SATB2: variants seen among roughly 807,000 people sequenced by gnomAD.
SATB2 encodes the protein DNA-binding protein SATB2.
A neutral mutation model predicts 73.4 loss-of-function variants in SATB2; 1 was observed. The ratio of observed to expected loss-of-function variants is 0.01; its 90% CI spans 0.00 to 0.06. SATB2 has a LOEUF of 0.06. Among genes scored for constraint, SATB2 ranks in the 10% least tolerant of loss-of-function variants. The pLI, the probability that SATB2 is intolerant of heterozygous loss-of-function variation, is 1.00. For missense variants in SATB2, 459 were observed against 945.8 expected, an observed-to-expected ratio of 0.49 and a Z score of 6.75; for synonymous variants, 397 against 367.0, an observed-to-expected ratio of 1.08 and a Z score of -0.93.
At chr2:199,302,386 C>G (rs1327446894) in intron 10 of SATB2, among the ~76,000 whole-genome samples, 1 of 152,086 alleles carries the variant, frequency 6.6e-6, no homozygotes, top group Non-Finnish European at 1.5e-5. Flanking sequence ...ATGTTGAAAA[C>G]CTAGTAATAT....
chr2:199,296,871 A>G lies in SATB2; in HGVS notation c.1740+11889T>C, dbSNP rs1052566740. Among the ~76,000 whole-genome samples the G allele has an allele frequency of 2.6e-5, 4 of 152,178 alleles. No homozygotes were observed. The South Asian group carries it at 6.2e-4, about 24-fold the overall frequency. ...TGGGTCAAAGGTTCATTGAAACTAG[A>G]AATAGAGAGTAATATTTATTCTTTA... On this transcript the variant is annotated intron_variant, in intron 10 of 10. Coordinates refer to ENST00000417098, the MANE Select transcript of SATB2 (RefSeq NM_001172509.2).
At chr2:199,294,784 C>A (rs1352041941) in intron 10 of SATB2, among the ~76,000 whole-genome samples, 1 of 152,190 alleles carries the variant, frequency 6.6e-6, no homozygotes, top group Non-Finnish European at 1.5e-5. Context: ...CTCACTTTAG[C>A]ACCTTCTGCT....
intron 7 of SATB2, chr2:199,347,535 T>G (rs934168909): frequency 2.0e-5 from 3 of 152,216 alleles, no homozygotes; most frequent in Non-Finnish European, 4.4e-5. Context: ...GAGTGTTGTT[T>G]ACATATGTGC....
intron 10 of SATB2, among the ~76,000 whole-genome samples, chr2:199,289,635 GATTTA>G (rs1423016620): frequency 1.3e-5 from 2 of 152,228 alleles, no homozygotes; most frequent in African/African-American, 2.4e-5. Flanking sequence ...CTTCGGGGTG[GATTTA>G]ATTTAATAGC....
At chr2:199,366,902 G>GCACA (rs71015897) in intron 6 of SATB2, among the ~76,000 whole-genome samples, 91,869 of 149,660 alleles carry the variant, frequency 0.61, 30,582 homozygotes, top group Non-Finnish European at 0.75. Context: ...ATGTGCGAAT[G>GCACA]CACACACACA....
At chr2:199,432,217 T>A (rs1207274617) in intron 3 of SATB2, among the ~76,000 whole-genome samples, 2 of 152,234 alleles carry the variant, frequency 1.3e-5, no homozygotes, top group African/African-American at 4.8e-5. Context: ...CTAATTTCAA[T>A]TAGGTTGCTT....
intron 10 of SATB2, among the ~76,000 whole-genome samples, chr2:199,277,562 C>A (rs1692355065): frequency 6.6e-6 from 1 of 152,108 alleles, no homozygotes; most frequent in African/African-American, 2.4e-5. Context: ...TAAGGTTAAT[C>A]TAGACAACAA....
intron 2 of SATB2, among the ~76,000 whole-genome samples, chr2:199,447,153 A>G (rs1267568600): frequency 6.6e-6 from 1 of 152,176 alleles, no homozygotes; most frequent in African/African-American, 2.4e-5. Flanking sequence ...TTAATAGAGT[A>G]ACAAATACAG....
chr2:199,460,853 T>C (rs1484645610), upstream of SATB2, among the ~76,000 whole-genome samples: 1 of 152,260 alleles, frequency 6.6e-6, no homozygotes, highest in Non-Finnish European at 1.5e-5. The surrounding 1 kb of genome is among the most constrained non-coding windows in gnomAD (Gnocchi z 4.0). Flanking sequence ...TTCTAAATTA[T>C]TAAACCCCTG....
chr2:199,297,915 TA>T (rs1243364500), intron 10 of SATB2, among the ~76,000 whole-genome samples: 1 of 123,466 alleles, frequency 8.1e-6, no homozygotes, highest in Non-Finnish European at 1.8e-5. Context: ...ATCTTTTAAA[TA>T]AGTTATAATA....
chr2:199,275,648 G>T lies in SATB2; in HGVS notation c.1741-2976C>A, dbSNP rs114738508. The stretch of plus-strand genomic sequence containing the variant: ...ACTGCCCATGACAGACTAGGAAGAT[G>T]TTTCTCAAGAGAAGTAATAGTCAGA... On this transcript the variant is annotated intron_variant, in intron 10 of 10. Transcript: ENST00000417098. Among the ~76,000 whole-genome samples the T allele has an allele frequency of 2.5e-3, 382 of 152,278 alleles. 2 individuals are homozygous for T. The highest frequency in any genetic ancestry group is 9.0e-3 in the African/African-American group (375 of 41,570).
chr2:199,357,698 T>A (rs1317228863), intron 6 of SATB2, among the ~76,000 whole-genome samples: 1 of 152,098 alleles, frequency 6.6e-6, no homozygotes, highest in Non-Finnish European at 1.5e-5. Context: ...ATAATCAGTA[T>A]ATAAATATAG....
At chr2:199,377,206 C>A (rs1289719287) in intron 5 of SATB2, among the ~76,000 whole-genome samples, 1 of 152,052 alleles carries the variant, frequency 6.6e-6, no homozygotes, top group Non-Finnish European at 1.5e-5. Flanking sequence ...GAAATCACGT[C>A]TCTACTAAAA....
At chr2:199,408,029 C>A (rs964158513) in intron 3 of SATB2, among the ~76,000 whole-genome samples, 1 of 152,126 alleles carries the variant, frequency 6.6e-6, no homozygotes, top group Non-Finnish European at 1.5e-5. Flanking sequence ...CGTGAGAAAG[C>A]CTTTCATGAT....
upstream of SATB2, among the ~76,000 whole-genome samples, chr2:199,458,964 C>A (rs969559526): frequency 1.8e-4 from 28 of 152,136 alleles, no homozygotes; most frequent in African/African-American, 6.8e-4. Context: ...AGGAGCACGG[C>A]CACTGCCCGC....
chr2:199,459,337 G>C (rs986547400), upstream of SATB2, among the ~76,000 whole-genome samples: 1 of 152,020 alleles, frequency 6.6e-6, no homozygotes, highest in Non-Finnish European at 1.5e-5. The surrounding 1 kb of genome is among the most constrained non-coding windows in gnomAD (Gnocchi z 4.2). Flanking sequence ...CGCGGCCGCC[G>C]GCAGCCCGAC....
chr2:199,316,258 A>G (rs1489880987), intron 9 of SATB2, among the ~76,000 whole-genome samples: 11 of 152,098 alleles, frequency 7.2e-5, no homozygotes, highest in Non-Finnish European at 1.0e-4. Context: ...CATGAATCCA[A>G]TAAGTGTCTA....
chr2:199,354,081 G>A (rs770385476), intron 6 of SATB2, among the ~76,000 whole-genome samples: 21 of 152,204 alleles, frequency 1.4e-4, no homozygotes, highest in Admixed American at 7.9e-4. Flanking sequence ...CTGCTGGCCC[G>A]GCATGTTGGC....
chr2:199,281,030 C>A (rs1692472936), intron 10 of SATB2, among the ~76,000 whole-genome samples: 1 of 152,096 alleles, frequency 6.6e-6, no homozygotes, highest in Admixed American at 6.5e-5. Context: ...AAATTTCTCT[C>A]TTTGTACTCT....
Sources: allele counts gnomAD v4.1 joint callset (sites outside exome capture counted in the v4.1 genomes callset), GRCh38; gene constraint gnomAD v4.1.1; non-coding constraint Gnocchi (gnomAD v3.1); transcripts MANE v1.5; gene names NCBI Gene and HGNC (gene_info 2026-07-23, HGNC 2026-07-21).